ZNF282: variants seen among roughly 807,000 people sequenced by gnomAD.
ZNF282 encodes zinc finger protein 282.
In ZNF282, 30 loss-of-function variants were observed where a neutral mutation model predicts 61.9. The observed-to-expected ratio is 0.48, with a 90% CI of 0.36 to 0.66. The LOEUF is 0.66. Ranked by LOEUF, ZNF282 falls within the 30% of genes least tolerant of loss-of-function variation. The pLI, the probability that ZNF282 is intolerant of heterozygous loss-of-function variation, is 0.00. For missense variants in ZNF282, 788 were observed against 941.4 expected, an observed-to-expected ratio of 0.84 and a Z score of 2.13; for synonymous variants, 396 against 405.0, an observed-to-expected ratio of 0.98 and a Z score of 0.27.
At chr7:149,206,937 A>G (rs1796000260) in intron 3 of ZNF282, 115 bp downstream of exon 3, 1 of 1,385,186 alleles carries the variant, frequency 7.2e-7, no homozygotes, top group African/African-American at 1.4e-5. Context: ...ATGTAATGGA[A>G]ACTCAGGAAA....
At position 149,203,733 on chromosome 7, in the gene ZNF282, G is replaced by A. The variant is rs566229531; in HGVS notation, c.586-2963G>A. The stretch of plus-strand genomic sequence containing the variant: ...GAGCCTCCTTAATTCCTCTTTTGAA[G>A]GAAGTGAAGTATAAACAATTCAGTA... On this transcript the variant is annotated intron_variant, in intron 2 of 7. Transcript: ENST00000610704. Among the ~76,000 whole-genome samples the A allele has an allele frequency of 2.8e-4, 42 of 152,254 alleles. 1 individual carries two copies. The highest frequency in any genetic ancestry group is 7.0e-4 in the African/African-American group (29 of 41,560).
chr7:149,205,060 G>A (rs559373025), intron 2 of ZNF282, among the ~76,000 whole-genome samples: 5 of 150,864 alleles, frequency 3.3e-5, no homozygotes, highest in South Asian at 2.1e-4. Flanking sequence ...ACTGGGAGGC[G>A]GAGGTTGCAG....
At chr7:149,223,073 C>T (rs1369419069) in intron 7 of ZNF282, among the ~76,000 whole-genome samples, 2 of 152,174 alleles carry the variant, frequency 1.3e-5, no homozygotes, top group Admixed American at 1.3e-4. Context: ...CTCCCCGGTT[C>T]AAGTGATTCT....
Position 149,224,599 on chromosome 7 carries a change from G to A in ZNF282, c.1968G>A (p.Pro656=), listed in dbSNP as rs746304673. The change falls in exon 8 of 8, where the codon CCG becomes CCA. Residue 656 remains proline, a synonymous_variant. Transcript: ENST00000610704. Reference sequence around the variant, plus strand: ...ACCTGCGCGTGCACAGCGGCGGCCCGGGCCCCGGCGCCCCACGGCAGCTCC... The same window carrying A: ...ACCTGCGCGTGCACAGCGGCGGCCCAGGCCCCGGCGCCCCACGGCAGCTCC... The part of the protein sequence containing the change: ...KDHLRVHSGG[P]GPGAPRQLPP... 3 of 1,562,424 alleles carry A rather than the reference G, an allele frequency of 1.9e-6. No individual in the cohort carries two copies. The highest frequency in any genetic ancestry group is 1.1e-5 in the South Asian group (1 of 87,450).
intron 2 of ZNF282, among the ~76,000 whole-genome samples, chr7:149,201,832 C>G (rs10234696): frequency 6.6e-6 from 1 of 152,190 alleles, no homozygotes; most frequent in South Asian, 2.1e-4. Context: ...GGCCCACGCT[C>G]TCTTCCCCTG....
At position 149,225,299 on chromosome 7, in the gene ZNF282, T is replaced by A. The variant is rs1440455841; in HGVS notation, c.*652T>A. ...CTACCTCCGCTGCTCGGGAAGCTGC[T>A]GGCCTGGCCCTCCTGGTCTCTCTTC... On this transcript the variant is annotated 3_prime_UTR_variant, in exon 8 of 8. Transcript: ENST00000610704. The A allele has an allele frequency of 6.6e-6, 1 of 152,660 alleles. No individual in the cohort carries two copies. The highest frequency in any genetic ancestry group is 2.4e-5 in the African/African-American group (1 of 41,390). 9.5% of individuals were successfully genotyped at this position (152,660 alleles called of 1,614,324 possible).
At chr7:149,221,388 A>T (rs1796248156) in intron 7 of ZNF282, among the ~76,000 whole-genome samples, 1 of 152,232 alleles carries the variant, frequency 6.6e-6, no homozygotes. Context: ...GGTGGAGGGC[A>T]TAGCGGGATG....
intron 2 of ZNF282, 192 bp from the exon 3 acceptor site, chr7:149,206,504 C>T (rs1320018803): frequency 1.9e-5 from 14 of 732,254 alleles, no homozygotes; most frequent in Non-Finnish European, 3.2e-5. Flanking sequence ...GTTGACCATC[C>T]GTGTTATTGA....
chr7:149,197,261 G>A (rs1303544280), intron 1 of ZNF282, among the ~76,000 whole-genome samples: 1 of 152,244 alleles, frequency 6.6e-6, no homozygotes, highest in Non-Finnish European at 1.5e-5. Flanking sequence ...GGTCCCAGAG[G>A]AGTTTTTCTT....
rs745531217 is a variant in ZNF282 at position 149,198,779 on chromosome 7, T to C, written c.585+27T>C. 2 of 1,597,508 alleles carry C rather than the reference T, an allele frequency of 1.3e-6. No homozygotes were observed. Among genetic ancestry groups the C allele is most frequent in the South Asian group, 1.1e-5 (1 of 89,568 alleles). Reference sequence around the variant, plus strand: ...TATGTGGTGGTCCCTGGGGCAGGGATAGAGGTGAGGAACAGCACAGGTGCA... The same window carrying C: ...TATGTGGTGGTCCCTGGGGCAGGGACAGAGGTGAGGAACAGCACAGGTGCA... On this transcript the variant is annotated intron_variant, in intron 2 of 7. Coordinates refer to ENST00000610704, the MANE Select transcript of ZNF282 (RefSeq NM_003575.4). The surrounding 1 kb of genome is among the most constrained non-coding windows in gnomAD (Gnocchi z 4.3).
chr7:149,196,054 G>A (rs1795811597), intron 1 of ZNF282, among the ~76,000 whole-genome samples: 1 of 151,934 alleles, frequency 6.6e-6, no homozygotes, highest in Non-Finnish European at 1.5e-5. Context: ...GGACCTGGCA[G>A]AGCTCTGACC....
chr7:149,201,759 A>C (rs1353008874), intron 2 of ZNF282, among the ~76,000 whole-genome samples: 2 of 151,648 alleles, frequency 1.3e-5, no homozygotes, highest in South Asian at 2.1e-4. Flanking sequence ...CTTAAAAAAA[A>C]CCCAAAAAAC....
chr7:149,203,873 A>G (rs1319803479), intron 2 of ZNF282, among the ~76,000 whole-genome samples: 1 of 152,196 alleles, frequency 6.6e-6, no homozygotes, highest in Admixed American at 6.5e-5. Context: ...GGAAGACACT[A>G]TGTAGATTAT....
At chr7:149,216,635 G>C (rs888475388) in intron 7 of ZNF282, among the ~76,000 whole-genome samples, 29 of 152,280 alleles carry the variant, frequency 1.9e-4, no homozygotes, top group African/African-American at 7.0e-4. Context: ...CTAGTATTGT[G>C]GTTGCCAGGG....
chr7:149,215,216 T>G (rs1056509100), intron 7 of ZNF282, among the ~76,000 whole-genome samples: 340 of 148,816 alleles, frequency 2.3e-3, no homozygotes, highest in African/African-American at 7.9e-3. Context: ...TTTTTTTTTT[T>G]TTTTGAGACA....
At chr7:149,217,999 T>G (rs1293780664) in intron 7 of ZNF282, among the ~76,000 whole-genome samples, 2 of 150,784 alleles carry the variant, frequency 1.3e-5, no homozygotes, top group Admixed American at 1.3e-4. Context: ...TCCCAGCTGC[T>G]CGGGAGGCTG....
chr7:149,204,803 G>T (rs1001786071), intron 2 of ZNF282, among the ~76,000 whole-genome samples: 1 of 152,158 alleles, frequency 6.6e-6, no homozygotes, highest in East Asian at 1.9e-4. Flanking sequence ...CATCTGCGGA[G>T]TTCTAGTAAC....
intron 7 of ZNF282, 65 bp from the exon 8 acceptor site, chr7:149,223,747 C>T (rs1454562930): frequency 3.6e-6 from 5 of 1,392,366 alleles, no homozygotes; most frequent in Admixed American, 3.0e-5. Flanking sequence ...GGCCCCCCTT[C>T]GGGAGCAGTG....
At chr7:149,222,490 A>T (rs1796271320) in intron 7 of ZNF282, among the ~76,000 whole-genome samples, 1 of 152,130 alleles carries the variant, frequency 6.6e-6, no homozygotes, top group Admixed American at 6.5e-5. Flanking sequence ...GTCCTGAGAT[A>T]AAAGTGAGCA....
Sources: gnomAD v4.1 joint callset for allele counts (sites outside exome capture counted in the v4.1 genomes callset) on GRCh38, gnomAD v4.1.1 for gene constraint, Gnocchi (gnomAD v3.1) non-coding constraint, MANE v1.5 for transcripts, NCBI Gene and HGNC (gene_info 2026-07-23, HGNC 2026-07-21) for gene names.